The following COL1A1 variants were observed in gnomAD, a reference collection of about 807,000 sequenced individuals.
The protein encoded by COL1A1 is collagen type I alpha 1 chain.
A neutral mutation model predicts 195.7 loss-of-function variants in COL1A1; 21 were observed. The observed-to-expected ratio is 0.11, with a 90% CI of 0.08 to 0.15. The LOEUF (loss-of-function observed/expected upper bound fraction) is 0.15, where lower values mean the gene tolerates loss of function less well. COL1A1 is among the 10% of genes least tolerant of loss of function. The pLI is 1.00. For synonymous variants in COL1A1, 749 were observed against 747.3 expected (o/e 1.00, Z -0.04); for missense variants, 1,365 against 2,051.0 (o/e 0.67, Z 6.46).
At chr17:50,200,387 C>A (rs1179960317) in intron 1 of COL1A1, among the ~76,000 whole-genome samples, 4 of 152,230 alleles carry the variant, frequency 2.6e-5, no homozygotes, top group Middle Eastern at 3.4e-3. Context: ...TCATCCCGCC[C>A]CCATTCCCTG....
Position 50,189,763 on chromosome 17 carries a change from G to T in COL1A1, c.2614-31C>A. The T allele has an allele frequency of 6.2e-7, 1 of 1,613,704 alleles. No homozygotes were observed. Among genetic ancestry groups the T allele is most frequent in the Admixed American group, 1.7e-5 (1 of 59,950 alleles). ...AGGAGAGAACATAGGAACAGTCAGA[G>T]GGAGAACAGCCAACTCATCCGACCC... On this transcript the variant is annotated intron_variant, in intron 37 of 50. Coordinates refer to ENST00000225964, the MANE Select transcript of COL1A1 (RefSeq NM_000088.4). The surrounding 1 kb of genome is among the most constrained non-coding windows in gnomAD (Gnocchi z 5.5).
chr17:50,201,339 G>A, intron 1 of COL1A1, 72 bp downstream of exon 1: 1 of 1,398,652 alleles, frequency 7.1e-7, no homozygotes. Flanking sequence ...CTCGTTTTAA[G>A]CCGCGGCCCC....
Position 50,188,673 on chromosome 17 carries a change from G to T in COL1A1, c.3100-36C>A, listed in dbSNP as rs531476034. The T allele has an allele frequency of 6.2e-7, 1 of 1,612,938 alleles. No homozygotes were observed. The highest frequency in any genetic ancestry group is 1.3e-5 in the African/African-American group (1 of 74,836). ...GAGCAGGGGAATATGGGTCAGCCCC[G>T]GGTGAAGGGCCAGGATGGGGCAGGG... On this transcript the variant is annotated intron_variant, in intron 42 of 50. Coordinates refer to ENST00000225964, the MANE Select transcript of COL1A1 (RefSeq NM_000088.4). The surrounding 1 kb of genome is among the most constrained non-coding windows in gnomAD (Gnocchi z 5.6).
rs1907667634 is a variant in COL1A1, at chr17:50,197,161, G to A, written c.750+19C>T. On this transcript the variant is annotated intron_variant, in intron 10 of 50. Coordinates refer to ENST00000225964, the MANE Select transcript of COL1A1 (RefSeq NM_000088.4). Reference sequence around the variant, plus strand: ...CCAAGTGCAGTGAAGCCCAGGTTCAGCCACAGCCCCCTGCTCACCTGAGGC... The same window carrying A: ...CCAAGTGCAGTGAAGCCCAGGTTCAACCACAGCCCCCTGCTCACCTGAGGC... 1 of 1,613,876 alleles carries A rather than the reference G, an allele frequency of 6.2e-7. No homozygotes were observed.
At chr17:50,200,212 T>C in intron 1 of COL1A1, 1 of 467,818 alleles carries the variant, frequency 2.1e-6, no homozygotes. Context: ...AACTCCAACC[T>C]CAGCCCATTG....
Position 50,195,581 on chromosome 17 carries a change from C to A in COL1A1, c.1141G>T (p.Ala381Ser). 1 of 1,613,992 alleles carries A rather than the reference C, an allele frequency of 6.2e-7. No homozygotes were observed. The highest frequency in any genetic ancestry group is 8.5e-7 in the Non-Finnish European group (1 of 1,179,968). Residue 381 changes from alanine (A) to serine (S), a missense_variant, in exon 17 of 51, where the codon GCT becomes TCT. Ala to Ser is a moderately conservative substitution (Grantham distance 99). Transcript: ENST00000225964. This position sits in a 1 kb window ranked among gnomAD's most constrained non-coding sequence, Gnocchi z 4.3. The stretch of plus-strand genomic sequence containing the variant: ...GGGACACTTACAGCAGGGCCAGCAG[C>A]ACCAGCAGGGCCAGGGGGGCCAGGC... ...GEPGPPGPAG[A>S]AGPAGNPGAD...
intron 32 of COL1A1, 98 bp downstream of exon 32, chr17:50,191,285 G>T: frequency 8.6e-7 from 1 of 1,163,638 alleles, no homozygotes; most frequent in South Asian, 1.2e-5. Flanking sequence ...AGCGAGAAGA[G>T]GGACAGATCC....
intron 26 of COL1A1, 46 bp downstream of exon 26, chr17:50,192,948 C>A (rs376904766): frequency 6.2e-7 from 1 of 1,613,294 alleles, no homozygotes; most frequent in South Asian, 1.1e-5. Context: ...GAGAAAGTGC[C>A]GGGGCAGCAA....
At chr17:50,201,362 C>G in intron 1 of COL1A1, 49 bp downstream of exon 1, 2 of 1,580,460 alleles carry the variant, frequency 1.3e-6, no homozygotes, top group Non-Finnish European at 1.7e-6. Context: ...GGACCAAGCG[C>G]AAGGCGCGAT....
intron 14 of COL1A1, 39 bp downstream of exon 14, chr17:50,196,275 C>T: frequency 6.2e-7 from 1 of 1,609,422 alleles, no homozygotes; most frequent in Non-Finnish European, 8.5e-7. Flanking sequence ...GAGCCCCTTC[C>T]AGAGCTCAGG....
chr17:50,195,183 CACTGGAGCCAG>C lies in COL1A1; in HGVS notation c.1299+38_1299+48del. 6.2e-7 allele frequency: 1 copy of C among 1,606,952 alleles called. No individual in the cohort carries two copies. The highest frequency in any genetic ancestry group is 8.5e-7 in the Non-Finnish European group (1 of 1,173,906). ...CTTCCTGCTCCCCAGATGAGAGCCGCACTGGAGCCAGTGCATGGGGTGGGCAGAAGGGAGAG... is the reference window on the plus strand; with the variant it reads ...CTTCCTGCTCCCCAGATGAGAGCCGCTGCATGGGGTGGGCAGAAGGGAGAG... On this transcript the variant is annotated intron_variant, in intron 19 of 50. Coordinates refer to ENST00000225964, the MANE Select transcript of COL1A1 (RefSeq NM_000088.4). This position sits in a 1 kb window ranked among gnomAD's most constrained non-coding sequence, Gnocchi z 4.3.
At chr17:50,197,698 G>C (rs1241012685) in intron 9 of COL1A1, 34 bp downstream of exon 9, 4 of 1,543,452 alleles carry the variant, frequency 2.6e-6, no homozygotes, top group Non-Finnish European at 3.5e-6. Flanking sequence ...GAGGCCATGG[G>C]GTCAGATGGT....
rs1013668710 is a variant in COL1A1, at chr17:50,184,803, G to C, written c.*699C>G. ...GGATTGACACGCGTTCCCCAAATCC[G>C]ATGTTTCTGCTTTGTCGTGGCCCTT... On this transcript the variant is annotated 3_prime_UTR_variant, in exon 51 of 51. Transcript: ENST00000225964. 1.0e-5 allele frequency: 2 copies of C among 197,480 alleles called. No individual in the cohort carries two copies. Among genetic ancestry groups the C allele is most frequent in the African/African-American group, 2.7e-5 (1 of 37,320 alleles). 12.2% of individuals were successfully genotyped at this position (197,480 alleles called of 1,614,324 possible).
Position 50,194,665 on chromosome 17 carries a change from C to A in COL1A1, c.1462-39G>T. The A allele has an allele frequency of 6.4e-7, 1 of 1,557,642 alleles. No individual in the cohort carries two copies. The highest frequency in any genetic ancestry group is 8.7e-7 in the Non-Finnish European group (1 of 1,150,226). On this transcript the variant is annotated intron_variant, in intron 21 of 50. Transcript: ENST00000225964. The surrounding 1 kb of genome is among the most constrained non-coding windows in gnomAD (Gnocchi z 6.8). ...GGAGGCCAGTGAACTCCGCGACACA[C>A]AGGCACCAGCCAGGCAATGAGGGTG...
Position 50,194,087 on chromosome 17 carries a change from C to T in COL1A1, c.1668+43G>A, listed in dbSNP as rs560237994. 8.1e-6 allele frequency: 13 copies of T among 1,610,524 alleles called. No homozygotes were observed. In the East Asian group the frequency reaches 2.7e-4, roughly 33 times the overall value. On this transcript the variant is annotated intron_variant, in intron 24 of 50. Transcript: ENST00000225964. This position sits in a 1 kb window ranked among gnomAD's most constrained non-coding sequence, Gnocchi z 6.8. ...AGCAGCAGTGAGGACAGCAGGGAGG[C>T]AGACAGGACAATGGCAGGGGGTTCA...
intron 25 of COL1A1, 166 bp downstream of exon 25, chr17:50,193,777 C>T (rs984135025): frequency 3.5e-5 from 25 of 714,968 alleles, no homozygotes; most frequent in Admixed American, 1.2e-4. Context: ...CACCGTGCCC[C>T]GCCGAGAAGT....
intron 5 of COL1A1, chr17:50,198,792 A>C: frequency 2.0e-6 from 1 of 500,944 alleles, no homozygotes; most frequent in Non-Finnish European, 3.6e-6. Flanking sequence ...TAGAGACATG[A>C]TGATTAAACG....
intron 9 of COL1A1, 70 bp downstream of exon 9, chr17:50,197,662 G>GTCC (rs1907712721): frequency 2.4e-6 from 3 of 1,267,794 alleles, no homozygotes; most frequent in African/African-American, 1.5e-5. Context: ...ATGTGGTGGA[G>GTCC]TGGAAATTGC....
In COL1A1 at chr17:50,186,372, T is replaced by C. The variant is rs770591923; in HGVS notation, c.3950A>G (p.Asn1317Ser). Residue 1317 changes from asparagine (N) to serine (S), a missense_variant, in exon 49 of 51, where the codon AAC becomes AGC. By Grantham distance (46) the Asn-to-Ser change is conservative. Transcript: ENST00000225964. The surrounding 1 kb of genome is among the most constrained non-coding windows in gnomAD (Gnocchi z 5.3). ...VAQKNWYISK[N>S]PKDKRHVWFG... ...CCAGACATGCCTCTTGTCCTTGGGG[T>C]TCTTGCTGATGTACCAGTTCTTCTG... The C allele has an allele frequency of 3.0e-5, 49 of 1,614,034 alleles. No homozygotes were observed. Among genetic ancestry groups the C allele is most frequent in the Non-Finnish European group, 3.9e-5 (46 of 1,180,036 alleles).
Sources: allele counts gnomAD v4.1 joint callset (sites outside exome capture counted in the v4.1 genomes callset), GRCh38; gene constraint gnomAD v4.1.1; non-coding constraint Gnocchi (gnomAD v3.1); transcripts MANE v1.5; gene names NCBI Gene and HGNC (gene_info 2026-07-23, HGNC 2026-07-21).